SLC9A1: variants seen among roughly 807,000 people sequenced by gnomAD.
SLC9A1 encodes the protein solute carrier family 9 member A1.
SLC9A1 carries 22 observed loss-of-function variants against 67.9 expected under a neutral mutation model. That is an observed-to-expected ratio of 0.32 (90% CI 0.23 to 0.46). The LOEUF (loss-of-function observed/expected upper bound fraction) is 0.46, where lower values mean the gene tolerates loss of function less well. Ranked by LOEUF, SLC9A1 falls within the 20% of genes least tolerant of loss-of-function variation. The probability of loss-of-function intolerance (pLI) is 1.00; values close to 1 mark genes in which losing one functional copy is unlikely to be tolerated. For synonymous variants in SLC9A1, 421 were observed against 471.8 expected (o/e 0.89, Z 1.40); for missense variants, 686 against 1,094.8 (o/e 0.63, Z 5.27).
intron 1 of SLC9A1, among the ~76,000 whole-genome samples, chr1:27,117,976 C>G (rs1040059872): frequency 1.3e-5 from 2 of 152,084 alleles, no homozygotes; most frequent in Non-Finnish European, 2.9e-5. Flanking sequence ...GCTTCTATGA[C>G]CAGGTGAACA....
At chr1:27,108,320 C>T (rs943723426) in intron 3 of SLC9A1, among the ~76,000 whole-genome samples, 37 of 142,216 alleles carry the variant, frequency 2.6e-4, no homozygotes, top group Non-Finnish European at 6.1e-5. Context: ...CCCGCCTTGG[C>T]CTCCCAAAGT....
intron 1 of SLC9A1, among the ~76,000 whole-genome samples, chr1:27,117,553 A>G (rs535222995): frequency 1.3e-5 from 2 of 152,310 alleles, no homozygotes; most frequent in East Asian, 1.9e-4. Flanking sequence ...AGAGTTGGCC[A>G]CAGCTCCTGC....
chr1:27,102,553 T>A lies in SLC9A1; in HGVS notation c.1652A>T (p.Asn551Ile). ...YGHHHWKDKLNRFNKKYVKKC... is the reference protein window; with the variant it reads ...YGHHHWKDKLIRFNKKYVKKC... ...CTTCACATATTTCTTATTAAACCGG[T>A]TGAGCCTGGTGGGAGGAGGAGGGAG... Residue 551 changes from asparagine (N) to isoleucine (I), a missense_variant, in exon 8 of 12, where the codon AAC (asparagine) becomes ATC (isoleucine). Coordinates refer to ENST00000263980, the MANE Select transcript of SLC9A1 (RefSeq NM_003047.5). The A allele has an allele frequency of 1.2e-6, 2 of 1,608,130 alleles. No individual in the cohort carries two copies. Among genetic ancestry groups the A allele is most frequent in the Non-Finnish European group, 1.7e-6 (2 of 1,175,576 alleles).
chr1:27,122,822 C>T (rs1306814537), intron 1 of SLC9A1, among the ~76,000 whole-genome samples: 3 of 152,198 alleles, frequency 2.0e-5, no homozygotes, highest in African/African-American at 7.2e-5. Flanking sequence ...GATCAAGAGT[C>T]CCCATGCAGT....
chr1:27,140,346 C>T (rs1014647444), intron 1 of SLC9A1, among the ~76,000 whole-genome samples: 2 of 152,114 alleles, frequency 1.3e-5, no homozygotes, highest in African/African-American at 4.8e-5. Context: ...GTCTCCCCAC[C>T]TCCCAACTAA....
At chr1:27,103,178 C>T in intron 6 of SLC9A1, 45 bp downstream of exon 6, 1 of 1,390,868 alleles carries the variant, frequency 7.2e-7, no homozygotes, top group South Asian at 1.2e-5. Flanking sequence ...CCCTATCTCC[C>T]TGTTCCTCCT....
Position 27,102,127 on chromosome 1 carries a change from G to A in SLC9A1, c.1824C>T (p.Asn608=). The A allele has an allele frequency of 6.2e-7, 1 of 1,612,344 alleles. No individual in the cohort carries two copies. The highest frequency in any genetic ancestry group is 1.1e-5 in the South Asian group (1 of 91,060). Residue 608 remains asparagine (N), a synonymous_variant, in exon 9 of 12, where the codon AAC becomes AAT. Transcript: ENST00000263980. ...CGGAAGGCAGGGACTTGGGGTGGATGTTCCTGGGGCAATAGGGCATCGGTT... is the reference window on the plus strand; with the variant it reads ...CGGAAGGCAGGGACTTGGGGTGGATATTCCTGGGGCAATAGGGCATCGGTT... ...PSAVSTVSMQ[N]IHPKSLPSER...
At chr1:27,130,293 A>G (rs2124183881) in intron 1 of SLC9A1, among the ~76,000 whole-genome samples, 1 of 152,252 alleles carries the variant, frequency 6.6e-6, no homozygotes, top group South Asian at 2.1e-4. Flanking sequence ...TAGTAGAGAC[A>G]GGGTTTCACT....
Position 27,154,037 on chromosome 1 carries a change from G to A in SLC9A1, c.298C>T (p.Arg100Cys), listed in dbSNP as rs770664279. 3 of 1,606,150 alleles carry A rather than the reference G, an allele frequency of 1.9e-6. No homozygotes were observed. Among genetic ancestry groups the A allele is most frequent in the Admixed American group, 1.7e-5 (1 of 59,590 alleles). ...PVLGIDYTHV[R>C]TPFEISLWIL... is the part of the protein sequence containing the mutation. ...CAGAGGGAGATCTCGAAGGGGGTGC[G>A]CACGTGTGTGTAGTCGATGCCCAGG... The change falls in exon 1 of 12, where the codon CGC becomes TGC. Residue 100 changes from arginine to cysteine, a missense_variant. Physicochemically the swap from Arg to Cys is radical, Grantham distance 180 (BLOSUM62 -3). Transcript: ENST00000263980.
chr1:27,117,419 T>C (rs2083279056), intron 1 of SLC9A1, among the ~76,000 whole-genome samples: 1 of 152,148 alleles, frequency 6.6e-6, no homozygotes, highest in South Asian at 2.1e-4. Context: ...GATGATGGCT[T>C]CCACCTCCAC....
Position 27,107,574 on chromosome 1 carries a change from C to T in SLC9A1, c.1282+74G>A, listed in dbSNP as rs182095830. 2.2e-4 allele frequency: 255 copies of T among 1,139,448 alleles called. No homozygotes were observed. The African/African-American group carries it at 3.3e-3, about 15-fold the overall frequency. The allele number at this position is 1,139,448 out of a possible 1,614,324, so 70.6% of individuals were successfully genotyped here. The stretch of plus-strand genomic sequence containing the variant: ...TAGTGCACTGCACACACCACACACA[C>T]AGCACCACAGCCCACCACCCCCCAC... On this transcript the variant is annotated intron_variant, in intron 4 of 11. Transcript: ENST00000263980.
intron 1 of SLC9A1, among the ~76,000 whole-genome samples, chr1:27,138,345 C>A (rs2083432750): frequency 1.3e-5 from 2 of 152,236 alleles, no homozygotes; most frequent in South Asian, 4.1e-4. Flanking sequence ...CCTTGCTGGC[C>A]ATCCAGCAGC....
At chr1:27,142,387 G>C (rs116836557) in intron 1 of SLC9A1, among the ~76,000 whole-genome samples, 1 of 152,176 alleles carries the variant, frequency 6.6e-6, no homozygotes, top group African/African-American at 2.4e-5. Context: ...GCTATGATAA[G>C]GATTTTTCCA....
At chr1:27,151,950 C>T (rs561803219) in intron 1 of SLC9A1, among the ~76,000 whole-genome samples, 11 of 152,262 alleles carry the variant, frequency 7.2e-5, no homozygotes, top group African/African-American at 2.6e-4. Flanking sequence ...AAACTGAGGT[C>T]CAAGGCTGAG....
At chr1:27,103,352 C>A (rs1014467889) in intron 5 of SLC9A1, 40 bp from the exon 6 acceptor site, 1 of 1,458,112 alleles carries the variant, frequency 6.9e-7, no homozygotes, top group Admixed American at 1.7e-5. Context: ...AGTTCTGCTA[C>A]CCAGGCAGGG....
chr1:27,124,017 T>G (rs2083324029), intron 1 of SLC9A1, among the ~76,000 whole-genome samples: 1 of 152,104 alleles, frequency 6.6e-6, no homozygotes, highest in Admixed American at 6.6e-5. Flanking sequence ...ACCATCTCCC[T>G]CCTTTCCTTT....
chr1:27,143,907 T>TG (rs2124207213), intron 1 of SLC9A1, among the ~76,000 whole-genome samples: 1 of 152,328 alleles, frequency 6.6e-6, no homozygotes, highest in Non-Finnish European at 1.5e-5. Context: ...ACAAGACAGT[T>TG]AACAGTGGTA....
At chr1:27,110,931 A>G (rs2083223479) in intron 2 of SLC9A1, among the ~76,000 whole-genome samples, 1 of 152,208 alleles carries the variant, frequency 6.6e-6, no homozygotes, top group Non-Finnish European at 1.5e-5. Context: ...AGCCCCCAGG[A>G]CCTGGAGCAG....
intron 1 of SLC9A1, among the ~76,000 whole-genome samples, chr1:27,122,983 G>A (rs944698171): frequency 6.6e-6 from 1 of 151,908 alleles, no homozygotes; most frequent in Non-Finnish European, 1.5e-5. Flanking sequence ...GCTTACCTGG[G>A]GAGGGGGTTA....
Sources: gnomAD v4.1 joint callset for allele counts (sites outside exome capture counted in the v4.1 genomes callset) on GRCh38, gnomAD v4.1.1 for gene constraint, MANE v1.5 for transcripts, NCBI Gene and HGNC (gene_info 2026-07-23, HGNC 2026-07-21) for gene names.